Variants in PNPLA7 observed in about 807,000 individuals in gnomAD.
PNPLA7 encodes the protein patatin-like phospholipase domain-containing protein 7.
In PNPLA7, 153 loss-of-function variants were observed where a neutral mutation model predicts 161.7. The ratio of observed to expected loss-of-function variants is 0.95; its 90% CI spans 0.83 to 1.08. The LOEUF (loss-of-function observed/expected upper bound fraction) is 1.08, where lower values mean the gene tolerates loss of function less well. Ranked by LOEUF, PNPLA7 falls within the 50% of genes least tolerant of loss-of-function variation. PNPLA7 has a pLI of 0.00. For missense variants in PNPLA7, 1,739 were observed against 1,856.6 expected (o/e 0.94, Z 1.16); for synonymous variants, 809 against 782.1 (o/e 1.03, Z -0.57).
intron 12 of PNPLA7, 29 bp downstream of exon 12, chr9:137,515,350 C>T: frequency 1.3e-6 from 2 of 1,591,854 alleles, no homozygotes; most frequent in Non-Finnish European, 1.7e-6. Context: ...GTGGGTCACA[C>T]TGGCTGGGCA....
chr9:137,478,935 A>G (rs1224721325), intron 24 of PNPLA7, 121 bp downstream of exon 24: 1 of 1,292,192 alleles, frequency 7.7e-7, no homozygotes, highest in Non-Finnish European at 1.0e-6. Flanking sequence ...GTTCACAAGC[A>G]CAGGAAGGGC....
chr9:137,478,156 G>A lies in PNPLA7; in HGVS notation c.2764-4C>T, dbSNP rs1233381469. The stretch of plus-strand genomic sequence containing the variant: ...AGACATGCTTGTACATCTCCACCTG[G>A]GGGAGGAGCCGTCAGGCAGGGCTGG... On this transcript the variant is annotated splice_polypyrimidine_tract_variant and splice_region_variant and intron_variant, in intron 24 of 34. Transcript: ENST00000406427. 7.8e-7 allele frequency: 1 copy of A among 1,287,458 alleles called. No homozygotes were observed. The highest frequency in any genetic ancestry group is 9.9e-7 in the Non-Finnish European group (1 of 1,007,366). The allele number at this position is 1,287,458 out of a possible 1,614,324, so 79.8% of individuals were successfully genotyped here. A position where few individuals can be genotyped will look rare whatever the true frequency, so the allele number is the denominator to read the frequency against.
At chr9:137,544,273 C>T (rs961903626) in intron 4 of PNPLA7, among the ~76,000 whole-genome samples, 6 of 152,212 alleles carry the variant, frequency 3.9e-5, no homozygotes, top group Non-Finnish European at 8.8e-5. Flanking sequence ...TCAGGCAGTG[C>T]CTGCTTGACT....
intron 12 of PNPLA7, among the ~76,000 whole-genome samples, chr9:137,506,423 C>T (rs1216587904): frequency 2.0e-5 from 3 of 152,230 alleles, no homozygotes; most frequent in African/African-American, 7.2e-5. Flanking sequence ...GCGTGCCACA[C>T]CCTGACGGCT....
chr9:137,528,467 A>C lies in PNPLA7; in HGVS notation c.748-5610T>G, dbSNP rs543566418. Reference sequence around the variant, plus strand: ...CAGATAATTTTTGTATTTTTAGTAGAGATGGGGTTTCACCATGTTGGCCAG... The same window carrying C: ...CAGATAATTTTTGTATTTTTAGTAGCGATGGGGTTTCACCATGTTGGCCAG... On this transcript the variant is annotated intron_variant, in intron 8 of 34. Transcript: ENST00000406427. Among the ~76,000 whole-genome samples the C allele has an allele frequency of 2.0e-4, 31 of 151,802 alleles. No homozygotes were observed. In the East Asian group the frequency reaches 5.8e-3, roughly 29 times the overall value.
In PNPLA7 at chr9:137,479,077, G is replaced by A. The variant is rs1430747084; in HGVS notation, c.2742C>T (p.Ser914=). Residue 914 remains serine (S), a synonymous_variant, in exon 24 of 35, where the codon TCC becomes TCT. Transcript: ENST00000406427. The part of the protein sequence containing the change: ...LHLCCPRRVF[S]RRSLPKLVEM... The stretch of plus-strand genomic sequence containing the variant: ...TCACCAGCTTGGGCAGGCTCCTCCT[G>A]GAGAAGACGCGGCGCGGGCAGCAGA... The A allele has an allele frequency of 6.3e-7, 1 of 1,593,120 alleles. No individual in the cohort carries two copies. Among genetic ancestry groups the A allele is most frequent in the Middle Eastern group, 2.1e-4 (1 of 4,774 alleles).
chr9:137,537,053 A>C lies in PNPLA7; in HGVS notation c.747+3589T>G, dbSNP rs1398554934. On this transcript the variant is annotated intron_variant, in intron 8 of 34. Transcript: ENST00000406427. The surrounding 1 kb of genome is among the most constrained non-coding windows in gnomAD (Gnocchi z 4.5). ...ACCGAGCCACACTTTATCTCCCACA[A>C]CAGGAAGTCAGTGTGTCTAGAATGG... is the stretch of plus-strand genomic sequence containing the variant. Among the ~76,000 whole-genome samples the C allele has an allele frequency of 6.6e-6, 1 of 152,160 alleles. No individual in the cohort carries two copies.
intron 12 of PNPLA7, among the ~76,000 whole-genome samples, chr9:137,514,694 C>T (rs1408580355): frequency 7.9e-6 from 1 of 126,042 alleles, no homozygotes; most frequent in African/African-American, 3.2e-5. Context: ...GCGGGTCACT[C>T]GGATGTTGAT....
chr9:137,465,211 G>T (rs1262019873), intron 26 of PNPLA7, among the ~76,000 whole-genome samples: 2 of 152,170 alleles, frequency 1.3e-5, no homozygotes, highest in East Asian at 1.9e-4. Context: ...GGAGACCCCG[G>T]TCCTTCCCTG....
chr9:137,500,644 CA>C lies in PNPLA7; in HGVS notation c.1757+46del, dbSNP rs759461672. 7 of 1,581,432 alleles carry C rather than the reference CA, an allele frequency of 4.4e-6. No individual in the cohort carries two copies. Among genetic ancestry groups the C allele is most frequent in the Admixed American group, 1.7e-5 (1 of 57,700 alleles). ...GGCCACGCGGGGAGGGGTCTCAGGG[CA>C]GGGGGGGCTGGGGCCCGCCCTGAGG... On this transcript the variant is annotated intron_variant, in intron 16 of 34. Transcript: ENST00000406427. The surrounding 1 kb of genome is among the most constrained non-coding windows in gnomAD (Gnocchi z 5.5).
chr9:137,503,814 A>AGG (rs1564324551), intron 14 of PNPLA7, among the ~76,000 whole-genome samples: 6 of 2,342 alleles, frequency 2.6e-3, no homozygotes, highest in East Asian at 9.4e-3. Context: ...AGAAGGAAGA[A>AGG]GATGAAGGAA....
At chr9:137,506,810 C>G (rs745679578) in intron 12 of PNPLA7, among the ~76,000 whole-genome samples, 1 of 152,270 alleles carries the variant, frequency 6.6e-6, no homozygotes, top group African/African-American at 2.4e-5. Context: ...ACGCTTTGCA[C>G]GACGGGGTCA....
Position 137,493,040 on chromosome 9 carries a change from C to CCAGG in PNPLA7, c.2166_2169dup (p.Gly724ProfsTer68). On this transcript the variant is annotated frameshift_variant, in exon 20 of 35. Coordinates refer to ENST00000406427, the MANE Select transcript of PNPLA7 (RefSeq NM_001098537.3). LOFTEE classifies it high-confidence loss of function. ...GTCACAGGTCCCTGCTGGAGGCTGCCCAGGATCTTCTCACCCAAGAGATGA... is the reference window on the plus strand; with the variant it reads ...GTCACAGGTCCCTGCTGGAGGCTGCCCAGGCAGGATCTTCTCACCCAAGAGATGA... 6.2e-7 allele frequency: 1 copy of CCAGG among 1,613,858 alleles called. No individual in the cohort carries two copies. Among genetic ancestry groups the CCAGG allele is most frequent in the Admixed American group, 1.7e-5 (1 of 60,020 alleles).
rs1302840096 is a variant in PNPLA7, at chr9:137,500,655, G to A, written c.1757+36C>T. 1.3e-6 allele frequency: 2 copies of A among 1,590,778 alleles called. No individual in the cohort carries two copies. Among genetic ancestry groups the A allele is most frequent in the Admixed American group, 3.4e-5 (2 of 58,886 alleles). ...GAGGGGTCTCAGGGCAGGGGGGGCT[G>A]GGGCCCGCCCTGAGGTCCTGGCCCG... On this transcript the variant is annotated intron_variant, in intron 16 of 34. Transcript: ENST00000406427. The surrounding 1 kb of genome is among the most constrained non-coding windows in gnomAD (Gnocchi z 5.5).
chr9:137,462,109 G>A, intron 31 of PNPLA7, 68 bp from the exon 32 acceptor site: 7 of 1,518,304 alleles, frequency 4.6e-6, no homozygotes, highest in Non-Finnish European at 5.3e-6. Context: ...TCTCAAAAGG[G>A]GGAAGCGAGG....
In PNPLA7 at chr9:137,468,418, C is replaced by A. The variant is rs551848538; in HGVS notation, c.2883-945G>T. Among the ~76,000 whole-genome samples, 30 of 152,266 alleles carry A rather than the reference C, an allele frequency of 2.0e-4. No homozygotes were observed. The highest frequency in any genetic ancestry group is 6.3e-4 in the African/African-American group (26 of 41,564). On this transcript the variant is annotated intron_variant, in intron 25 of 34. Coordinates refer to ENST00000406427, the MANE Select transcript of PNPLA7 (RefSeq NM_001098537.3). This position sits in a 1 kb window ranked among gnomAD's most constrained non-coding sequence, Gnocchi z 4.0. ...ATACAGACACAGGCTTTTACAATGACCACGCTTAAAGTGTGCAGGGAGCCA... is the reference window on the plus strand; with the variant it reads ...ATACAGACACAGGCTTTTACAATGAACACGCTTAAAGTGTGCAGGGAGCCA...
chr9:137,542,850 C>T (rs368802849), intron 6 of PNPLA7, 49 bp from the exon 7 acceptor site: 97 of 1,575,776 alleles, frequency 6.2e-5, no homozygotes, highest in Admixed American at 2.3e-4. Flanking sequence ...GGGAGGAGGA[C>T]GGCCTCTCCA....
intron 14 of PNPLA7, among the ~76,000 whole-genome samples, chr9:137,504,112 A>AG (rs1490283862): frequency 0.02 from 2,973 of 149,214 alleles, 111 homozygotes; most frequent in African/African-American, 0.069. Context: ...GAAGAAAGAA[A>AG]GAAGAAGAAG....
Position 137,486,319 on chromosome 9 carries a change from G to A in PNPLA7, c.2198-1583C>T, listed in dbSNP as rs777982489. ...AAGATCCTGGGATGCACACGGCGCC[G>A]TGGCAGCACTGCGGGTAAGAGCCTG... On this transcript the variant is annotated intron_variant, in intron 20 of 34. Coordinates refer to ENST00000406427, the MANE Select transcript of PNPLA7 (RefSeq NM_001098537.3). This position sits in a 1 kb window ranked among gnomAD's most constrained non-coding sequence, Gnocchi z 6.0. Among the ~76,000 whole-genome samples the A allele has an allele frequency of 3.9e-5, 6 of 152,278 alleles. No homozygotes were observed. Among genetic ancestry groups the A allele is most frequent in the Non-Finnish European group, 5.9e-5 (4 of 68,028 alleles).
Sources: gnomAD v4.1 joint callset for allele counts (sites outside exome capture counted in the v4.1 genomes callset) on GRCh38, gnomAD v4.1.1 for gene constraint, Gnocchi (gnomAD v3.1) non-coding constraint, MANE v1.5 for transcripts, NCBI Gene and HGNC (gene_info 2026-07-23, HGNC 2026-07-21) for gene names.